Variants in CCN4 observed in about 807,000 individuals in gnomAD.
The protein encoded by CCN4 is CCN family member 4.
In CCN4, 30 loss-of-function variants were observed where a neutral mutation model predicts 36.7. The observed-to-expected ratio is 0.82, with a 90% confidence interval of 0.61 to 1.11. CCN4 has a LOEUF of 1.11. Ranked by LOEUF, CCN4 falls within the 50% of genes least tolerant of loss-of-function variation. The pLI is 0.00. For missense variants in CCN4, 505 were observed against 504.9 expected (o/e 1.00, Z 0.00); for synonymous variants, 191 against 195.4 (o/e 0.98, Z 0.19).
chr8:133,220,648 C>T lies in CCN4; in HGVS notation c.417C>T (p.Asn139=), dbSNP rs771791753. 1.2e-6 allele frequency: 2 copies of T among 1,614,210 alleles called. No individual in the cohort carries two copies. Among genetic ancestry groups the T allele is most frequent in the Non-Finnish European group, 8.5e-7 (1 of 1,180,020 alleles). ...RYNNGQSFQP[N]CKYNCTCIDG... ...ACAACGGCCAGTCCTTCCAGCCTAA[C>T]TGCAAGTACAACTGCACGTGCATCG... Residue 139 remains asparagine (N), a synonymous_variant, in exon 3 of 5, where the codon AAC becomes AAT. Transcript: ENST00000250160.
At chr8:133,203,111 G>A (rs1853647933) in intron 1 of CCN4, among the ~76,000 whole-genome samples, 1 of 152,206 alleles carries the variant, frequency 6.6e-6, no homozygotes, top group African/African-American at 2.4e-5. Flanking sequence ...CTCCGAAACA[G>A]GGCAAGCCAA....
At chr8:133,205,435 TCTC>T (rs1416464234) in intron 1 of CCN4, among the ~76,000 whole-genome samples, 1 of 152,198 alleles carries the variant, frequency 6.6e-6, no homozygotes, top group Non-Finnish European at 1.5e-5. Flanking sequence ...TACGATCTTT[TCTC>T]CTTTTTGCCT....
chr8:133,215,858 G>T (rs974915565), intron 2 of CCN4, among the ~76,000 whole-genome samples: 1 of 152,106 alleles, frequency 6.6e-6, no homozygotes, highest in Non-Finnish European at 1.5e-5. Flanking sequence ...ATTCTCAGAG[G>T]CTTCAAATTT....
chr8:133,207,499 T>C (rs1853823164), intron 1 of CCN4, among the ~76,000 whole-genome samples: 3 of 152,220 alleles, frequency 2.0e-5, no homozygotes, highest in African/African-American at 7.2e-5. Context: ...CCCTGTGCAG[T>C]GATCAGAGGC....
intron 1 of CCN4, among the ~76,000 whole-genome samples, chr8:133,196,749 C>A (rs1430011064): frequency 6.6e-6 from 1 of 152,154 alleles, no homozygotes; most frequent in East Asian, 1.9e-4. Context: ...GGGAATGAAG[C>A]AGAGACAAAG....
At position 133,227,601 on chromosome 8, in the gene CCN4, G is replaced by A. The variant is rs371947572; in HGVS notation, c.995G>A (p.Arg332His). Residue 332 changes from arginine (R) to histidine (H), a missense_variant, in exon 5 of 5, where the codon CGC becomes CAC. Coordinates refer to ENST00000250160, the MANE Select transcript of CCN4 (RefSeq NM_003882.4). ...FQCPDGLGFS[R>H]QVLWINACFC... is the part of the protein sequence containing the mutation. Reference sequence around the variant, plus strand: ...TGTCCTGATGGGCTTGGCTTCTCCCGCCAGGTCCTATGGATTAATGCCTGC... The same window carrying A: ...TGTCCTGATGGGCTTGGCTTCTCCCACCAGGTCCTATGGATTAATGCCTGC... 31 of 1,614,050 alleles carry A rather than the reference G, an allele frequency of 1.9e-5. No individual in the cohort carries two copies. Among genetic ancestry groups the A allele is most frequent in the African/African-American group, 1.7e-4 (13 of 74,892 alleles).
chr8:133,212,341 A>T (rs1854078468), intron 1 of CCN4, among the ~76,000 whole-genome samples: 1 of 152,048 alleles, frequency 6.6e-6, no homozygotes, highest in African/African-American at 2.4e-5. Flanking sequence ...GAGGGGAAAA[A>T]AATAATAATA....
chr8:133,200,327 G>A (rs911234395), intron 1 of CCN4, among the ~76,000 whole-genome samples: 1 of 152,216 alleles, frequency 6.6e-6, no homozygotes, highest in African/African-American at 2.4e-5. Flanking sequence ...CCCCTCCAGG[G>A]AAGGAGCTCA....
intron 1 of CCN4, among the ~76,000 whole-genome samples, chr8:133,202,719 A>C (rs1853631811): frequency 6.6e-6 from 1 of 152,118 alleles, no homozygotes; most frequent in Admixed American, 6.5e-5. Flanking sequence ...TACACCTTTC[A>C]CGGGTTTGGA....
At chr8:133,227,065 G>A (rs1430056742) in intron 4 of CCN4, among the ~76,000 whole-genome samples, 1 of 152,192 alleles carries the variant, frequency 6.6e-6, no homozygotes, top group Non-Finnish European at 1.5e-5. Flanking sequence ...GCTAGCCAGG[G>A]GAACTTGCTT....
Position 133,229,803 on chromosome 8 carries a change from G to A in CCN4, c.*2093G>A, listed in dbSNP as rs1383049102. On this transcript the variant is annotated 3_prime_UTR_variant, in exon 5 of 5. Coordinates refer to ENST00000250160, the MANE Select transcript of CCN4 (RefSeq NM_003882.4). Reference sequence around the variant, plus strand: ...TTATATTAAGTGCCTTAGCAAAAGAGACATTTAATATTTCAAAGAAATGCA... The same window carrying A: ...TTATATTAAGTGCCTTAGCAAAAGAAACATTTAATATTTCAAAGAAATGCA... 1 of 152,212 alleles carries A rather than the reference G, an allele frequency of 6.6e-6. No homozygotes were observed. Among genetic ancestry groups the A allele is most frequent in the African/African-American group, 2.4e-5 (1 of 41,450 alleles). 9.4% of individuals were successfully genotyped at this position (152,212 alleles called of 1,614,324 possible). A position where few individuals can be genotyped will look rare whatever the true frequency, so the allele number is the denominator to read the frequency against.
At chr8:133,222,694 T>C (rs994839918) in intron 3 of CCN4, among the ~76,000 whole-genome samples, 1 of 151,474 alleles carries the variant, frequency 6.6e-6, no homozygotes, top group African/African-American at 2.4e-5. Context: ...TCTGATGCCA[T>C]GGCAGGCAGC....
chr8:133,231,489 T>A lies in CCN4; in HGVS notation c.*3779T>A, dbSNP rs1854964267. 6.6e-6 allele frequency: 1 copy of A among 152,224 alleles called. No individual in the cohort carries two copies. Among genetic ancestry groups the A allele is most frequent in the Non-Finnish European group, 1.5e-5 (1 of 68,036 alleles). 9.4% of individuals were successfully genotyped at this position (152,224 alleles called of 1,614,324 possible). A position where few individuals can be genotyped will look rare whatever the true frequency, so the allele number is the denominator to read the frequency against. On this transcript the variant is annotated 3_prime_UTR_variant, in exon 5 of 5. Transcript: ENST00000250160. ...TGTTTCACAACAGTTCTCATTTTTC[T>A]CATGATTTGTGTAGCGTGGAATGTG...
intron 1 of CCN4, among the ~76,000 whole-genome samples, chr8:133,204,767 C>T (rs1346357473): frequency 6.6e-6 from 1 of 152,208 alleles, no homozygotes. Flanking sequence ...GTTGGCCAGG[C>T]TGGTCTCGAC....
At chr8:133,194,467 G>GTC (rs1853253053) in intron 1 of CCN4, among the ~76,000 whole-genome samples, 1 of 37,006 alleles carries the variant, frequency 2.7e-5, no homozygotes, top group Non-Finnish European at 4.5e-5. Flanking sequence ...TGTGTGTGGG[G>GTC]TGTGTGTGTG....
intron 1 of CCN4, among the ~76,000 whole-genome samples, chr8:133,207,526 C>T (rs1190104016): frequency 2.6e-5 from 4 of 152,200 alleles, no homozygotes; most frequent in Non-Finnish European, 2.9e-5. Context: ...GTTAGTGGCT[C>T]GAAAACTCTG....
chr8:133,193,094 G>C (rs1456587108), intron 1 of CCN4, among the ~76,000 whole-genome samples: 1 of 152,226 alleles, frequency 6.6e-6, no homozygotes, highest in African/African-American at 2.4e-5. Flanking sequence ...CCCTGTGTGG[G>C]CTGTGAGACT....
intron 3 of CCN4, among the ~76,000 whole-genome samples, chr8:133,224,570 T>C (rs559867996): frequency 2.0e-4 from 31 of 152,288 alleles, no homozygotes; most frequent in Non-Finnish European, 4.0e-4. Context: ...GGTGCTGGCA[T>C]GTAGCTACTT....
intron 3 of CCN4, among the ~76,000 whole-genome samples, chr8:133,222,133 AGGAT>A (rs1052083578): frequency 1.4e-4 from 21 of 151,296 alleles, no homozygotes; most frequent in Admixed American, 5.3e-4. Context: ...GGATGGATGG[AGGAT>A]GGATGGATGG....
Sources: gnomAD v4.1 joint callset for allele counts (sites outside exome capture counted in the v4.1 genomes callset) on GRCh38, gnomAD v4.1.1 for gene constraint, MANE v1.5 for transcripts, NCBI Gene and HGNC (gene_info 2026-07-23, HGNC 2026-07-21) for gene names.